The following ASAP1 variants were observed in gnomAD, a reference collection of about 807,000 sequenced individuals.
The protein encoded by ASAP1 is arf-GAP with SH3 domain, ANK repeat and PH domain-containing protein 1.
In ASAP1, 43 loss-of-function variants were observed where a neutral mutation model predicts 145.2. The ratio of observed to expected loss-of-function variants is 0.30; its 90% CI spans 0.23 to 0.38. The LOEUF (loss-of-function observed/expected upper bound fraction) is 0.38. Among genes scored for constraint, ASAP1 ranks in the 10% least tolerant of loss-of-function variants. The pLI is 1.00. For missense variants in ASAP1, 1,018 were observed against 1,355.3 expected (o/e 0.75, Z 3.91); for synonymous variants, 546 against 515.5 (o/e 1.06, Z -0.80).
chr8:130,365,866 G>A (rs1222231169), intron 2 of ASAP1, among the ~76,000 whole-genome samples: 1 of 152,192 alleles, frequency 6.6e-6, no homozygotes, highest in Non-Finnish European at 1.5e-5. Flanking sequence ...GGAATTGAGA[G>A]AGGAGAAATG....
intron 3 of ASAP1, among the ~76,000 whole-genome samples, chr8:130,311,669 G>A (rs1823350777): frequency 6.7e-6 from 1 of 149,044 alleles, no homozygotes; most frequent in Admixed American, 6.8e-5. Context: ...GCTGAGGCAA[G>A]AGAATCGCTT....
At chr8:130,263,455 G>A (rs1404834056) in intron 3 of ASAP1, among the ~76,000 whole-genome samples, 2 of 152,118 alleles carry the variant, frequency 1.3e-5, no homozygotes, top group African/African-American at 4.8e-5. Context: ...GGCAAGTCTG[G>A]GTACAGCATG....
At chr8:130,113,476 A>T (rs75110270) in intron 23 of ASAP1, among the ~76,000 whole-genome samples, 7 of 152,318 alleles carry the variant, frequency 4.6e-5, no homozygotes, top group Non-Finnish European at 1.0e-4. Flanking sequence ...CCATACTCTT[A>T]TAATGATTAT....
chr8:130,321,400 T>C (rs1823995173), intron 3 of ASAP1, among the ~76,000 whole-genome samples: 1 of 152,040 alleles, frequency 6.6e-6, no homozygotes, highest in African/African-American at 2.4e-5. Context: ...GAAGCAGGCA[T>C]GTGAGGGTCA....
At chr8:130,402,995 C>G (rs1828866833) in intron 1 of ASAP1, among the ~76,000 whole-genome samples, 1 of 152,048 alleles carries the variant, frequency 6.6e-6, no homozygotes, top group African/African-American at 2.4e-5. Flanking sequence ...CATATACCCC[C>G]TGAACCCACC....
intron 3 of ASAP1, among the ~76,000 whole-genome samples, chr8:130,292,858 G>C (rs914059254): frequency 6.6e-6 from 1 of 152,244 alleles, no homozygotes. Context: ...CTGTAAAGCA[G>C]AGATGAGATG....
chr8:130,285,442 A>G (rs1821548279), intron 3 of ASAP1, among the ~76,000 whole-genome samples: 1 of 152,252 alleles, frequency 6.6e-6, no homozygotes, highest in Non-Finnish European at 1.5e-5. Flanking sequence ...TCTTATCACT[A>G]GAAAAAATTT....
chr8:130,227,792 T>A, intron 4 of ASAP1, among the ~76,000 whole-genome samples: 1 of 152,182 alleles, frequency 6.6e-6, no homozygotes, highest in East Asian at 1.9e-4. Flanking sequence ...TTTGTAAGAT[T>A]TTTTGTTTTA....
At chr8:130,270,419 G>A (rs1430755334) in intron 3 of ASAP1, among the ~76,000 whole-genome samples, 1 of 152,170 alleles carries the variant, frequency 6.6e-6, no homozygotes, top group Non-Finnish European at 1.5e-5. Flanking sequence ...TGATCTGTGT[G>A]ATCTCAAGGA....
intron 5 of ASAP1, among the ~76,000 whole-genome samples, chr8:130,196,493 G>C (rs1398150883): frequency 6.6e-6 from 1 of 152,238 alleles, no homozygotes; most frequent in Non-Finnish European, 1.5e-5. Flanking sequence ...TGTCCTGCTG[G>C]AGCAGCCAAC....
At chr8:130,268,490 A>AACACACACACACACAC (rs113714700) in intron 3 of ASAP1, among the ~76,000 whole-genome samples, 2 of 133,124 alleles carry the variant, frequency 1.5e-5, no homozygotes, top group East Asian at 2.3e-4. Context: ...CCCGTCTTAA[A>AACACACACACACACAC]ACACACACAC....
intron 26 of ASAP1, among the ~76,000 whole-genome samples, chr8:130,077,540 T>C (rs1001305700): frequency 1.8e-3 from 112 of 63,916 alleles, no homozygotes; most frequent in Non-Finnish European, 2.3e-3. Flanking sequence ...GCTGCTGCTT[T>C]TTTTTTTTTT....
At chr8:130,166,977 G>A (rs1201287022) in intron 11 of ASAP1, among the ~76,000 whole-genome samples, 2 of 152,320 alleles carry the variant, frequency 1.3e-5, no homozygotes, top group African/African-American at 4.8e-5. Flanking sequence ...ATATGCTCCT[G>A]AAGTGCATGT....
At chr8:130,317,372 C>T (rs529457293) in intron 3 of ASAP1, among the ~76,000 whole-genome samples, 1 of 152,148 alleles carries the variant, frequency 6.6e-6, no homozygotes, top group Non-Finnish European at 1.5e-5. Flanking sequence ...GAAAAGAAAC[C>T]TCTACGATAA....
chr8:130,341,931 G>A (rs1446206470), intron 3 of ASAP1, among the ~76,000 whole-genome samples: 1 of 152,212 alleles, frequency 6.6e-6, no homozygotes, highest in Admixed American at 6.5e-5. Context: ...GATGGGAAGA[G>A]ACAGCCAGCT....
At position 130,115,786 on chromosome 8, in the gene ASAP1, C is replaced by T. The variant is rs750506354; in HGVS notation, c.2065-51G>A. The T allele has an allele frequency of 9.2e-6, 12 of 1,302,840 alleles. No individual in the cohort carries two copies. The South Asian group carries it at 1.3e-4, about 14-fold the overall frequency. 80.7% of individuals were successfully genotyped at this position (1,302,840 alleles called of 1,614,324 possible). On this transcript the variant is annotated intron_variant, in intron 22 of 29. Coordinates refer to ENST00000518721, the MANE Select transcript of ASAP1 (RefSeq NM_018482.4). The stretch of plus-strand genomic sequence containing the variant: ...ATTTTAATTTAAATGCTGAAACATC[C>T]CAATATTATACAAACACTGAGCAAA...
At chr8:130,151,370 C>CAAAAAAAAAAAAAAAA (rs58367856) in intron 13 of ASAP1, among the ~76,000 whole-genome samples, 10 of 62,856 alleles carry the variant, frequency 1.6e-4, no homozygotes, top group Middle Eastern at 0.013. Context: ...GACTCAGTCT[C>CAAAAAAAAAAAAAAAA]AAAAAAAAAA....
intron 9 of ASAP1, among the ~76,000 whole-genome samples, chr8:130,173,795 G>C (rs144683064): frequency 1.3e-5 from 2 of 150,794 alleles, no homozygotes; most frequent in African/African-American, 4.9e-5. Context: ...TAAAAAGGCC[G>C]GGTGTGGTGG....
chr8:130,406,567 C>T (rs1434552810), intron 1 of ASAP1, among the ~76,000 whole-genome samples: 1 of 151,796 alleles, frequency 6.6e-6, no homozygotes, highest in Non-Finnish European at 1.5e-5. Flanking sequence ...CTGCAACCTC[C>T]GTCACCCAGG....
Sources: gnomAD v4.1 joint callset for allele counts (sites outside exome capture counted in the v4.1 genomes callset) on GRCh38, gnomAD v4.1.1 for gene constraint, MANE v1.5 for transcripts, NCBI Gene and HGNC (gene_info 2026-07-23, HGNC 2026-07-21) for gene names.